The following WDPCP variants were observed in gnomAD, a reference collection of about 807,000 sequenced individuals.
The protein encoded by WDPCP is WD repeat containing planar cell polarity effector.
WDPCP carries 71 observed loss-of-function variants against 93.1 expected under a neutral mutation model. The observed-to-expected ratio is 0.76, with a 90% CI of 0.63 to 0.93. The LOEUF is 0.93. Among genes scored for constraint, WDPCP ranks in the 40% least tolerant of loss-of-function variants. The pLI, the probability that WDPCP is intolerant of heterozygous loss-of-function variation, is 0.00. For synonymous variants in WDPCP, 315 were observed against 315.0 expected (o/e 1.00, Z 0.00); for missense variants, 844 against 887.4 (o/e 0.95, Z 0.62).
chr2:63,344,679 G>A (rs1313595343), intron 12 of WDPCP, among the ~76,000 whole-genome samples: 1 of 152,100 alleles, frequency 6.6e-6, no homozygotes, highest in Non-Finnish European at 1.5e-5. Flanking sequence ...CAGACATATA[G>A]GTATTACATG....
At position 63,360,069 on chromosome 2, in the gene WDPCP, G is replaced by T. The variant is rs755087206; in HGVS notation, c.1748+18317C>A. Reference sequence around the variant, plus strand: ...CACTCCAGCCTGGGCGACAAGGCAAGACTCCATCTAAAAAAAAAAATTGTA... The same window carrying T: ...CACTCCAGCCTGGGCGACAAGGCAATACTCCATCTAAAAAAAAAAATTGTA... On this transcript the variant is annotated intron_variant, in intron 12 of 17. Transcript: ENST00000272321. The T allele has an allele frequency of 1.3e-5, 2 of 152,004 alleles. No homozygotes were observed. The highest frequency in any genetic ancestry group is 2.4e-5 in the African/African-American group (1 of 41,400). 9.4% of individuals were successfully genotyped at this position (152,004 alleles called of 1,614,324 possible).
chr2:63,677,404 C>G (rs1710436571), intron 2 of WDPCP, among the ~76,000 whole-genome samples: 1 of 152,000 alleles, frequency 6.6e-6, no homozygotes, highest in Admixed American at 6.6e-5. Flanking sequence ...CTGAAGTTAT[C>G]AGCCAAAGAT....
chr2:63,229,904 A>T (rs1210386701), intron 14 of WDPCP: 1 of 161,058 alleles, frequency 6.2e-6, no homozygotes, highest in Non-Finnish European at 1.4e-5. Flanking sequence ...AAAAAAAAAA[A>T]AAGACAAAAA....
chr2:63,687,397 T>C (rs1668820657), intron 2 of WDPCP, among the ~76,000 whole-genome samples: 1 of 152,164 alleles, frequency 6.6e-6, no homozygotes, highest in Admixed American at 6.5e-5. Context: ...AAGAGACAAC[T>C]AGCAGAATGG....
chr2:63,121,912 C>G lies in WDPCP; in HGVS notation c.*94G>C. The G allele has an allele frequency of 2.5e-6, 4 of 1,586,464 alleles. No homozygotes were observed. Among genetic ancestry groups the G allele is most frequent in the East Asian group, 4.5e-5 (2 of 44,566 alleles). Reference sequence around the variant, plus strand: ...AACTAATTTATATGATTCATACTGTCTCTTGTTAAAAATCCACACGGGGGA... The same window carrying G: ...AACTAATTTATATGATTCATACTGTGTCTTGTTAAAAATCCACACGGGGGA... On this transcript the variant is annotated 3_prime_UTR_variant, in exon 18 of 18. Coordinates refer to ENST00000272321, the MANE Select transcript of WDPCP (RefSeq NM_015910.7).
At chr2:63,580,352 C>T (rs1488038646) in intron 1 of WDPCP, among the ~76,000 whole-genome samples, 1 of 152,078 alleles carries the variant, frequency 6.6e-6, no homozygotes, top group East Asian at 1.9e-4. Context: ...GTAGTCTCAA[C>T]GTATGTCCCC....
Position 63,437,487 on chromosome 2 carries a change from A to C in WDPCP, c.567T>G (p.Phe189Leu). The C allele has an allele frequency of 6.2e-7, 1 of 1,600,856 alleles. No individual in the cohort carries two copies. The change falls in exon 8 of 18, where the codon TTT becomes TTG. Residue 189 changes from phenylalanine to leucine, a missense_variant. Physicochemically the swap from Phe to Leu is conservative, Grantham distance 22. Transcript: ENST00000272321. Reference sequence around the variant, plus strand: ...CATCAGAAGACTCCATCTTCTTGGTAAACTGAATAAAACATAGTTTGTTTT... The same window carrying C: ...CATCAGAAGACTCCATCTTCTTGGTCAACTGAATAAAACATAGTTTGTTTT... ...LAQNKLCFIQFTKKMESSDVN... is the reference protein window; with the variant it reads ...LAQNKLCFIQLTKKMESSDVN...
intron 12 of WDPCP, among the ~76,000 whole-genome samples, chr2:63,338,611 T>A (rs1688624606): frequency 8.2e-6 from 1 of 122,468 alleles, no homozygotes; most frequent in Non-Finnish European, 1.7e-5. Context: ...TATATATATA[T>A]ATATATGGAT....
chr2:63,140,178 A>G (rs911062939), intron 17 of WDPCP, among the ~76,000 whole-genome samples: 2 of 152,038 alleles, frequency 1.3e-5, no homozygotes, highest in African/African-American at 2.4e-5. Flanking sequence ...CTGTATGCCT[A>G]TTTTTATACC....
At chr2:63,373,558 C>T (rs1427144987) in intron 12 of WDPCP, among the ~76,000 whole-genome samples, 1 of 150,158 alleles carries the variant, frequency 6.7e-6, no homozygotes, top group Non-Finnish European at 1.5e-5. Context: ...CACCCAGCCA[C>T]CTTCTCTGTT....
chr2:63,196,696 A>G (rs1378998397), intron 14 of WDPCP, among the ~76,000 whole-genome samples: 1 of 152,208 alleles, frequency 6.6e-6, no homozygotes, highest in Non-Finnish European at 1.5e-5. Context: ...CATTAAGAAA[A>G]TCATTGAGAA....
At chr2:63,543,215 C>A (rs769208183) in intron 1 of WDPCP, among the ~76,000 whole-genome samples, 14 of 152,048 alleles carry the variant, frequency 9.2e-5, no homozygotes, top group Non-Finnish European at 1.5e-4. Flanking sequence ...TATGACTCTG[C>A]ATCTGAGAGA....
At chr2:63,196,626 C>G (rs1193588719) in intron 14 of WDPCP, among the ~76,000 whole-genome samples, 1 of 152,080 alleles carries the variant, frequency 6.6e-6, no homozygotes, top group Non-Finnish European at 1.5e-5. Context: ...TTAAAAATAT[C>G]AAGATAACAA....
chr2:63,500,452 GGGGTGT>G (rs923037411), intron 1 of WDPCP, among the ~76,000 whole-genome samples: 15 of 22,310 alleles, frequency 6.7e-4, no homozygotes, highest in African/African-American at 2.4e-3. Flanking sequence ...AAATGGTGTG[GGGGTGT>G]GTGTGTGTGT....
chr2:63,757,665 A>G (rs1308426274), intron 2 of WDPCP, among the ~76,000 whole-genome samples: 2 of 152,254 alleles, frequency 1.3e-5, no homozygotes, highest in African/African-American at 4.8e-5. Flanking sequence ...TTCTGGGGAT[A>G]TGATGGGACT....
intron 12 of WDPCP, among the ~76,000 whole-genome samples, chr2:63,344,641 C>T (rs1460202492): frequency 6.6e-6 from 1 of 152,142 alleles, no homozygotes; most frequent in Non-Finnish European, 1.5e-5. Context: ...ATTTGCCATC[C>T]CTTGACTGAG....
chr2:63,615,838 T>A (rs907187620), intron 3 of WDPCP, among the ~76,000 whole-genome samples: 13 of 152,358 alleles, frequency 8.5e-5, no homozygotes, highest in Middle Eastern at 3.4e-3. Context: ...TTTCTACTCA[T>A]GCTTCTTCTC....
At chr2:63,775,432 C>T (rs1243277739) in intron 2 of WDPCP, among the ~76,000 whole-genome samples, 1 of 152,174 alleles carries the variant, frequency 6.6e-6, no homozygotes, top group East Asian at 1.9e-4. Context: ...TTATGAGGTT[C>T]TTTGGAGGAA....
At chr2:63,337,695 T>G (rs1307389737) in intron 12 of WDPCP, among the ~76,000 whole-genome samples, 2 of 152,210 alleles carry the variant, frequency 1.3e-5, no homozygotes, top group African/African-American at 4.8e-5. Flanking sequence ...ACAAGTCGTT[T>G]TAACTGGGAT....
Sources: gnomAD v4.1 joint callset for allele counts (sites outside exome capture counted in the v4.1 genomes callset) on GRCh38, gnomAD v4.1.1 for gene constraint, MANE v1.5 for transcripts, NCBI Gene and HGNC (gene_info 2026-07-23, HGNC 2026-07-21) for gene names.